EHBP1: variants seen among roughly 807,000 people sequenced by gnomAD.
EHBP1 encodes the protein EH domain binding protein 1, also known as EH domain-binding protein 1.
A neutral mutation model predicts 144.0 loss-of-function variants in EHBP1; 55 were observed. The observed-to-expected ratio is 0.38, with a 90% CI of 0.31 to 0.48. EHBP1 has a LOEUF of 0.48. Ranked by LOEUF, EHBP1 falls within the 20% of genes least tolerant of loss-of-function variation. The pLI is 0.98. For synonymous variants in EHBP1, 469 were observed against 472.7 expected, an observed-to-expected ratio of 0.99 and a Z score of 0.10; for missense variants, 1,200 against 1,364.2, an observed-to-expected ratio of 0.88 and a Z score of 1.90.
intron 2 of EHBP1, among the ~76,000 whole-genome samples, chr2:62,720,168 A>C (rs1325947889): frequency 6.6e-6 from 1 of 152,182 alleles, no homozygotes; most frequent in Non-Finnish European, 1.5e-5. Flanking sequence ...CTTAATAAAC[A>C]AAATGGTTAG....
chr2:62,747,432 A>G lies in EHBP1; in HGVS notation c.142A>G (p.Ser48Gly). ...ACTGGTGGTAGTTTGGACCAGAAGA[A>G]GCCGAAGGAAGTCTTCTAAGGTTAG... ...DKLVVVWTRR[S>G]RRKSSKAHSW... The change falls in exon 3 of 23, where the codon AGC becomes GGC. Residue 48 changes from serine (S) to glycine (G), a missense_variant. Transcript: ENST00000431489. The G allele has an allele frequency of 6.8e-6, 11 of 1,609,894 alleles. No homozygotes were observed. The highest frequency in any genetic ancestry group is 9.3e-6 in the Non-Finnish European group (11 of 1,177,854).
intron 16 of EHBP1, among the ~76,000 whole-genome samples, chr2:62,992,966 T>G (rs1408702268): frequency 2.0e-5 from 3 of 152,198 alleles, no homozygotes; most frequent in African/African-American, 4.8e-5. Flanking sequence ...GGTTCAGTCT[T>G]CTGGGATATT....
chr2:62,822,531 T>C (rs1299918296), intron 5 of EHBP1, among the ~76,000 whole-genome samples: 2 of 152,206 alleles, frequency 1.3e-5, no homozygotes, highest in African/African-American at 4.8e-5. Flanking sequence ...AATACTCTAA[T>C]TATTTTCATG....
chr2:62,785,336 T>C (rs1039200338), intron 5 of EHBP1, among the ~76,000 whole-genome samples: 1 of 152,180 alleles, frequency 6.6e-6, no homozygotes, highest in African/African-American at 2.4e-5. Flanking sequence ...AGGCAACTGA[T>C]TCAGTTATCC....
intron 14 of EHBP1, among the ~76,000 whole-genome samples, chr2:62,970,889 G>A (rs931122860): frequency 3.9e-5 from 6 of 152,110 alleles, no homozygotes; most frequent in East Asian, 1.9e-4. Flanking sequence ...TAATTACTAC[G>A]ACTAAGGAGG....
chr2:62,919,070 G>T (rs1049344752), intron 10 of EHBP1, among the ~76,000 whole-genome samples: 4 of 152,160 alleles, frequency 2.6e-5, no homozygotes, highest in Admixed American at 1.3e-4. Flanking sequence ...AGGTGTTCCT[G>T]GAATAGCTTG....
chr2:63,039,275 A>G (rs1320343544), intron 21 of EHBP1, among the ~76,000 whole-genome samples: 1 of 152,164 alleles, frequency 6.6e-6, no homozygotes, highest in African/African-American at 2.4e-5. Flanking sequence ...ACTTGTATTA[A>G]GTGAATATCT....
intron 4 of EHBP1, 85 bp downstream of exon 4, chr2:62,764,446 A>T: frequency 9.2e-7 from 1 of 1,085,262 alleles, no homozygotes; most frequent in Non-Finnish European, 1.3e-6. Flanking sequence ...ATTGTTCTAT[A>T]CATTTGTGTC....
intron 5 of EHBP1, among the ~76,000 whole-genome samples, chr2:62,773,639 G>A (rs1333893576): frequency 1.3e-5 from 2 of 150,940 alleles, no homozygotes; most frequent in Admixed American, 6.6e-5. Flanking sequence ...GCCTGAGGTC[G>A]GGAGTTCGAG....
At chr2:63,020,201 G>A (rs2153276219) in intron 19 of EHBP1, among the ~76,000 whole-genome samples, 1 of 151,750 alleles carries the variant, frequency 6.6e-6, no homozygotes, top group South Asian at 2.1e-4. Context: ...GCAGGTGCCT[G>A]TAATCCCAGC....
intron 10 of EHBP1, among the ~76,000 whole-genome samples, chr2:62,940,547 AC>A (rs1050225610): frequency 6.6e-6 from 1 of 152,220 alleles, no homozygotes; most frequent in African/African-American, 2.4e-5. Flanking sequence ...GTAACAACAA[AC>A]AGTTTCATCC....
At chr2:62,830,189 CACACACAT>C (rs1274410210) in intron 6 of EHBP1, among the ~76,000 whole-genome samples, 108 of 106,038 alleles carry the variant, frequency 1.0e-3, no homozygotes, top group African/African-American at 3.1e-3. Flanking sequence ...CACACACACA[CACACACAT>C]ATATATACAC....
intron 13 of EHBP1, among the ~76,000 whole-genome samples, chr2:62,953,468 G>C (rs963297474): frequency 6.6e-6 from 1 of 151,862 alleles, no homozygotes; most frequent in Admixed American, 6.6e-5. Flanking sequence ...AGGATCGCTT[G>C]GGCCTGAGAG....
chr2:63,022,506 G>T (rs984062161), intron 19 of EHBP1, among the ~76,000 whole-genome samples: 1 of 151,912 alleles, frequency 6.6e-6, no homozygotes, highest in African/African-American at 2.4e-5. Flanking sequence ...GTAGAGATGG[G>T]GTTTCACCAT....
At chr2:62,839,177 C>A (rs1360505614) in intron 7 of EHBP1, among the ~76,000 whole-genome samples, 4 of 151,586 alleles carry the variant, frequency 2.6e-5, no homozygotes, top group Non-Finnish European at 4.4e-5. Flanking sequence ...GGATGCAAGG[C>A]TGGTTCAATA....
intron 3 of EHBP1, among the ~76,000 whole-genome samples, chr2:62,752,501 G>A (rs896539067): frequency 6.6e-6 from 1 of 152,126 alleles, no homozygotes; most frequent in African/African-American, 2.4e-5. Flanking sequence ...AGGTCTGCTT[G>A]GTGCAGAGCT....
chr2:62,805,663 C>T (rs1013475022), intron 5 of EHBP1, among the ~76,000 whole-genome samples: 4 of 152,022 alleles, frequency 2.6e-5, no homozygotes, highest in African/African-American at 9.7e-5. Context: ...TACAGGTCCA[C>T]ACCACCACAC....
intron 14 of EHBP1, among the ~76,000 whole-genome samples, chr2:62,972,037 T>G (rs2058523123): frequency 6.6e-6 from 1 of 152,218 alleles, no homozygotes; most frequent in Non-Finnish European, 1.5e-5. Context: ...GGGTTTCCTA[T>G]GTATTGGATT....
At chr2:62,982,487 AAAAATG>A (rs1376607037) in intron 15 of EHBP1, among the ~76,000 whole-genome samples, 1 of 152,238 alleles carries the variant, frequency 6.6e-6, no homozygotes. Flanking sequence ...CTTTCTAAGT[AAAAATG>A]ACCCTGATGA....
Sources: gnomAD v4.1 joint callset for allele counts (sites outside exome capture counted in the v4.1 genomes callset) on GRCh38, gnomAD v4.1.1 for gene constraint, MANE v1.5 for transcripts, NCBI Gene and HGNC (gene_info 2026-07-23, HGNC 2026-07-21) for gene names.